Variants in NAV3 observed in about 807,000 individuals in gnomAD.
NAV3 encodes pore membrane and/or filament interacting like protein 1.
In NAV3, 87 loss-of-function variants were observed where a neutral mutation model predicts 244.7. The ratio of observed to expected loss-of-function variants is 0.36; its 90% CI spans 0.30 to 0.42. NAV3 has a LOEUF of 0.42. NAV3 is among the 20% of genes least tolerant of loss of function. The pLI is 1.00. For synonymous variants in NAV3, 1,126 were observed against 1,042.2 expected (o/e 1.08, Z -1.55); for missense variants, 2,663 against 2,893.3 (o/e 0.92, Z 1.83).
chr12:77,645,891 G>T (rs978953184), intron 2 of NAV3, among the ~76,000 whole-genome samples: 3 of 152,050 alleles, frequency 2.0e-5, no homozygotes, highest in African/African-American at 4.8e-5. Context: ...AGTGACCAAG[G>T]CTAGGACACT....
chr12:77,778,058 G>C lies in NAV3; in HGVS notation c.73-162261G>C, dbSNP rs184175397. On this transcript the variant is annotated intron_variant, in intron 2 of 8. Coordinates refer to the NAV3 transcript ENST00000550042. ...CGACCTTAGGTGATCCATCCACCTC[G>C]GCCTCCCAAAGAAATGTTAGTAATT... Among the ~76,000 whole-genome samples, 258 of 151,720 alleles carry C rather than the reference G, an allele frequency of 1.7e-3. 1 individual carries two copies. The Middle Eastern group carries it at 0.017, about 10-fold the overall frequency.
chr12:77,572,602 T>C (rs1364698593), intron 2 of NAV3, among the ~76,000 whole-genome samples: 1 of 152,150 alleles, frequency 6.6e-6, no homozygotes, highest in East Asian at 1.9e-4. Flanking sequence ...TCTGGAGTAA[T>C]GGAGCAGGCT....
intron 3 of NAV3, among the ~76,000 whole-genome samples, chr12:77,949,576 T>C (rs996816860): frequency 2.0e-5 from 3 of 151,890 alleles, no homozygotes; most frequent in Admixed American, 1.3e-4. Context: ...CACAGCAAAA[T>C]TGGGAGAAAA....
chr12:78,133,582 A>C (rs1322400917), intron 18 of NAV3, among the ~76,000 whole-genome samples: 1 of 151,774 alleles, frequency 6.6e-6, no homozygotes, highest in African/African-American at 2.4e-5. Context: ...TAATATATAA[A>C]ATTTTTAGAA....
At chr12:78,079,459 T>C (rs916619401) in intron 12 of NAV3, among the ~76,000 whole-genome samples, 2 of 152,248 alleles carry the variant, frequency 1.3e-5, no homozygotes, top group Admixed American at 1.3e-4. Context: ...AAAAAGGCTG[T>C]ATTTTTTGAT....
chr12:77,761,824 T>C (rs2135840325), intron 2 of NAV3, among the ~76,000 whole-genome samples: 1 of 152,346 alleles, frequency 6.6e-6, no homozygotes, highest in African/African-American at 2.4e-5. Flanking sequence ...TTTACACTGT[T>C]TGTAGGAGTG....
chr12:77,905,175 A>G (rs1885833290), intron 1 of NAV3, among the ~76,000 whole-genome samples: 2 of 152,094 alleles, frequency 1.3e-5, no homozygotes, highest in Admixed American at 1.3e-4. Flanking sequence ...TAATACCAAA[A>G]TCTTGGATTT....
chr12:78,103,310 T>C (rs1434547641), intron 12 of NAV3, among the ~76,000 whole-genome samples: 1 of 152,154 alleles, frequency 6.6e-6, no homozygotes, highest in Admixed American at 6.5e-5. Context: ...AGAGTCGCCT[T>C]TGCTCCAGTT....
chr12:77,592,635 A>G (rs1406120543), intron 2 of NAV3, among the ~76,000 whole-genome samples: 2 of 152,146 alleles, frequency 1.3e-5, no homozygotes, highest in African/African-American at 2.4e-5. Context: ...AGCAGTTGTT[A>G]CTAGTCATTT....
chr12:77,877,199 G>T (rs1013840676), intron 1 of NAV3, among the ~76,000 whole-genome samples: 1 of 152,026 alleles, frequency 6.6e-6, no homozygotes, highest in African/African-American at 2.4e-5. Context: ...CAAAAAAAGA[G>T]AATATTTCCC....
At chr12:77,947,530 T>C (rs1178788221) in intron 3 of NAV3, 1 of 151,828 alleles carries the variant, frequency 6.6e-6, no homozygotes, top group Non-Finnish European at 1.5e-5. Context: ...ACTGCAAAAT[T>C]GTAGCACTAT....
intron 2 of NAV3, among the ~76,000 whole-genome samples, chr12:77,724,586 C>A (rs1279267996): frequency 6.6e-6 from 1 of 151,526 alleles, no homozygotes; most frequent in Non-Finnish European, 1.5e-5. Flanking sequence ...GAAATAAAAC[C>A]AGCCTGTTTG....
intron 7 of NAV3, among the ~76,000 whole-genome samples, chr12:78,002,237 A>G (rs1873434878): frequency 6.6e-6 from 1 of 152,218 alleles, no homozygotes; most frequent in African/African-American, 2.4e-5. Context: ...GCATCATTTG[A>G]TGGAGTTCCT....
chr12:77,632,746 A>G (rs1871970810), intron 2 of NAV3, among the ~76,000 whole-genome samples: 1 of 152,218 alleles, frequency 6.6e-6, no homozygotes, highest in Non-Finnish European at 1.5e-5. Context: ...TGAGACTTTT[A>G]AAAGTAATAC....
intron 1 of NAV3, among the ~76,000 whole-genome samples, chr12:77,874,609 A>C (rs1482586554): frequency 6.6e-6 from 1 of 151,248 alleles, no homozygotes; most frequent in Non-Finnish European, 1.5e-5. Context: ...TCTTGTGGTT[A>C]GTAAAAAAAA....
At chr12:78,053,738 T>G (rs1240483149) in intron 11 of NAV3, among the ~76,000 whole-genome samples, 1 of 152,186 alleles carries the variant, frequency 6.6e-6, no homozygotes, top group Non-Finnish European at 1.5e-5. Flanking sequence ...GTTGTGATAT[T>G]AGAGCTGATA....
At chr12:77,711,895 G>A (rs1007817362) in intron 2 of NAV3, among the ~76,000 whole-genome samples, 1 of 152,084 alleles carries the variant, frequency 6.6e-6, no homozygotes, top group Non-Finnish European at 1.5e-5. Flanking sequence ...CCTGTATTTG[G>A]TTTTATGATT....
Position 77,991,367 on chromosome 12 carries a change from T to A in NAV3, c.672-3436T>A, listed in dbSNP as rs1002474441. Among the ~76,000 whole-genome samples the A allele has an allele frequency of 1.2e-4, 18 of 152,170 alleles. 1 individual carries two copies. The highest frequency in any genetic ancestry group is 8.8e-5 in the Non-Finnish European group (6 of 68,020). ...GACAAGAGTAGGCAAATTTCCAATATCTATGATAGTATTGGTACATTTGAT... is the reference window on the plus strand; with the variant it reads ...GACAAGAGTAGGCAAATTTCCAATAACTATGATAGTATTGGTACATTTGAT... On this transcript the variant is annotated intron_variant, in intron 5 of 39. Transcript: ENST00000397909.
At chr12:78,199,177 C>T (rs1365836411) in intron 36 of NAV3, 158 bp from the exon 37 acceptor site, 1 of 713,862 alleles carries the variant, frequency 1.4e-6, no homozygotes, top group African/African-American at 1.7e-5. Flanking sequence ...GACCTCCTAA[C>T]ACCTTTGATC....
Sources: allele counts gnomAD v4.1 joint callset (sites outside exome capture counted in the v4.1 genomes callset), GRCh38; gene constraint gnomAD v4.1.1; transcripts MANE v1.5; gene names NCBI Gene and HGNC (gene_info 2026-07-23, HGNC 2026-07-21).